Variants in LAMA2 observed in about 807,000 individuals in gnomAD.
LAMA2 encodes laminin subunit alpha 2, also known as laminin subunit alpha-2.
Under a neutral mutation model 364.8 loss-of-function variants are expected in LAMA2, and 269 were observed. The observed-to-expected ratio is 0.74, with a 90% CI of 0.67 to 0.82. The LOEUF (loss-of-function observed/expected upper bound fraction) is 0.82. Ranked by LOEUF, LAMA2 falls within the 40% of genes least tolerant of loss-of-function variation. The pLI is 0.00. For synonymous variants in LAMA2, 1,379 were observed against 1,370.6 expected (o/e 1.01, Z -0.14); for missense variants, 3,807 against 3,873.2 (o/e 0.98, Z 0.45).
intron 8 of LAMA2, among the ~76,000 whole-genome samples, chr6:129,157,176 C>T (rs1779163056): frequency 6.6e-6 from 1 of 152,124 alleles, no homozygotes; most frequent in Non-Finnish European, 1.5e-5. Context: ...TTAAGGCTTT[C>T]ACAGAAAGCA....
chr6:129,014,253 A>T (rs1402614269), intron 1 of LAMA2, among the ~76,000 whole-genome samples: 1 of 152,342 alleles, frequency 6.6e-6, no homozygotes, highest in Admixed American at 6.5e-5. Context: ...TCTGTATGCC[A>T]TCTGTTCTGG....
intron 35 of LAMA2, among the ~76,000 whole-genome samples, chr6:129,384,753 T>A (rs1017310301): frequency 1.3e-5 from 2 of 152,024 alleles, no homozygotes; most frequent in Non-Finnish European, 2.9e-5. Flanking sequence ...GAGAAAGGAT[T>A]ACCCATCACC....
chr6:128,933,172 A>G (rs1265215599), intron 1 of LAMA2, among the ~76,000 whole-genome samples: 1 of 151,408 alleles, frequency 6.6e-6, no homozygotes, highest in East Asian at 1.9e-4. Flanking sequence ...AAATAGCAGG[A>G]TTTCCTTCTC....
chr6:129,244,881 G>T (rs1055503835), intron 12 of LAMA2, among the ~76,000 whole-genome samples: 1 of 152,090 alleles, frequency 6.6e-6, no homozygotes, highest in Non-Finnish European at 1.5e-5. Flanking sequence ...ACACTGTATT[G>T]TTATTTGTGA....
intron 34 of LAMA2, among the ~76,000 whole-genome samples, chr6:129,376,674 G>C (rs187328757): frequency 6.6e-6 from 1 of 152,176 alleles, no homozygotes; most frequent in Non-Finnish European, 1.5e-5. Flanking sequence ...TTGCCTTAAA[G>C]GTAATCTACC....
intron 49 of LAMA2, among the ~76,000 whole-genome samples, chr6:129,461,324 G>A (rs1377200077): frequency 1.3e-5 from 2 of 151,950 alleles, no homozygotes; most frequent in African/African-American, 4.8e-5. Flanking sequence ...GAAGAAAGTA[G>A]CCCCAAAATG....
chr6:129,394,276 C>T (rs904305700), intron 37 of LAMA2, among the ~76,000 whole-genome samples: 6 of 152,234 alleles, frequency 3.9e-5, no homozygotes, highest in East Asian at 3.9e-4. Flanking sequence ...ATAATTTCAC[C>T]GTCAACAGTA....
chr6:129,454,108 G>T, intron 46 of LAMA2, 47 bp from the exon 47 acceptor site: 2 of 1,567,872 alleles, frequency 1.3e-6, no homozygotes, highest in African/African-American at 1.4e-5. Flanking sequence ...CCTCTTTAAA[G>T]GTGCTTTATA....
chr6:129,200,969 C>G (rs1782249120), intron 12 of LAMA2, among the ~76,000 whole-genome samples: 1 of 152,094 alleles, frequency 6.6e-6, no homozygotes, highest in Admixed American at 6.5e-5. Context: ...ATGCTAAAGA[C>G]AAACCTTTAT....
At chr6:129,184,886 T>C (rs536558739) in intron 10 of LAMA2, among the ~76,000 whole-genome samples, 58 of 152,116 alleles carry the variant, frequency 3.8e-4, no homozygotes, top group Non-Finnish European at 6.6e-4. Context: ...CTAATGTTTA[T>C]GTATTTCCTT....
At chr6:128,976,145 A>AT (rs1055295413) in intron 1 of LAMA2, among the ~76,000 whole-genome samples, 4 of 152,100 alleles carry the variant, frequency 2.6e-5, no homozygotes, top group Non-Finnish European at 5.9e-5. Flanking sequence ...GACTGACAGG[A>AT]TTTTTTTTGT....
intron 18 of LAMA2, among the ~76,000 whole-genome samples, chr6:129,283,701 T>C (rs568101566): frequency 7.3e-5 from 11 of 151,666 alleles, no homozygotes; most frequent in African/African-American, 2.7e-4. Context: ...TTTTTGTATC[T>C]TAAATTTCAG....
intron 4 of LAMA2, among the ~76,000 whole-genome samples, chr6:129,100,847 T>A (rs1329550038): frequency 6.6e-6 from 1 of 152,212 alleles, no homozygotes; most frequent in African/African-American, 2.4e-5. Flanking sequence ...TAAATTTCTT[T>A]AATAGATGAA....
chr6:129,514,477 C>G lies in LAMA2; in HGVS notation c.9093C>G (p.Asn3031Lys), dbSNP rs1176297837. ...CDGQWHKVTA[N>K]KIKHRIELTV... ...GACAATGGCATAAAGTCACTGCCAA[C>G]AAGATCAAACACCGCATTGAGCTCA... Residue 3031 changes from asparagine (N) to lysine (K), a missense_variant, in exon 64 of 65, where the codon AAC becomes AAG. This residue lies in a region of LAMA2 where 3,333 missense variants were observed against 3,345.7 expected (regional missense o/e 1.00). Coordinates refer to ENST00000421865, the MANE Select transcript of LAMA2 (RefSeq NM_000426.4). 6.2e-7 allele frequency: 1 copy of G among 1,613,950 alleles called. No homozygotes were observed. The highest frequency in any genetic ancestry group is 2.2e-5 in the East Asian group (1 of 44,872).
intron 40 of LAMA2, among the ~76,000 whole-genome samples, chr6:129,418,282 C>T (rs1033130775): frequency 3.3e-5 from 5 of 151,740 alleles, no homozygotes; most frequent in African/African-American, 1.2e-4. Context: ...TATGGATATC[C>T]CTAAAGGTCT....
chr6:128,956,334 CTATT>C (rs1781144431), intron 1 of LAMA2, among the ~76,000 whole-genome samples: 1 of 151,938 alleles, frequency 6.6e-6, no homozygotes, highest in African/African-American at 2.4e-5. Context: ...TGGGGTATGT[CTATT>C]TATTCTTCTC....
chr6:129,050,739 A>T (rs1202080657), intron 2 of LAMA2, among the ~76,000 whole-genome samples: 1 of 152,196 alleles, frequency 6.6e-6, no homozygotes, highest in Admixed American at 6.5e-5. Flanking sequence ...AATGACTAGA[A>T]CTGAAAGTGC....
At chr6:129,210,647 C>T (rs941373795) in intron 12 of LAMA2, among the ~76,000 whole-genome samples, 4 of 152,142 alleles carry the variant, frequency 2.6e-5, no homozygotes, top group Non-Finnish European at 5.9e-5. Context: ...AGCTCTGCTA[C>T]CCACTAGCCA....
At chr6:129,225,955 T>A (rs1364504092) in intron 12 of LAMA2, among the ~76,000 whole-genome samples, 1 of 152,172 alleles carries the variant, frequency 6.6e-6, no homozygotes, top group Admixed American at 6.5e-5. Context: ...CCCATTATTA[T>A]TGTGTGGGAG....
Sources: allele counts gnomAD v4.1 joint callset (sites outside exome capture counted in the v4.1 genomes callset), GRCh38; gene constraint gnomAD v4.1.1; regional missense constraint gnomAD v4.1.1; transcripts MANE v1.5; gene names NCBI Gene and HGNC (gene_info 2026-07-23, HGNC 2026-07-21).